Variants in ZNF654 observed in about 807,000 individuals in gnomAD.
ZNF654 encodes zinc finger protein 654.
ZNF654 carries 19 observed loss-of-function variants against 95.3 expected under a neutral mutation model. That is an observed-to-expected ratio of 0.20 (90% CI 0.14 to 0.29). The LOEUF is 0.29. Among genes scored for constraint, ZNF654 ranks in the 10% least tolerant of loss-of-function variants. The pLI, the probability that ZNF654 is intolerant of heterozygous loss-of-function variation, is 1.00. For synonymous variants in ZNF654, 413 were observed against 457.9 expected (o/e 0.90, Z 1.25); for missense variants, 1,046 against 1,341.0 (o/e 0.78, Z 3.44).
At chr3:88,131,892 C>A (rs537557109) in intron 6 of ZNF654, among the ~76,000 whole-genome samples, 114 of 152,150 alleles carry the variant, frequency 7.5e-4, no homozygotes, top group Middle Eastern at 3.4e-3. Context: ...CCTGGCCTAG[C>A]CTATGAGTCA....
intron 1 of ZNF654, among the ~76,000 whole-genome samples, chr3:88,060,214 A>G (rs1294261908): frequency 6.6e-6 from 1 of 152,100 alleles, no homozygotes; most frequent in Non-Finnish European, 1.5e-5. Flanking sequence ...TCCGGTTAAC[A>G]TCACCAACCC....
intron 3 of ZNF654, among the ~76,000 whole-genome samples, chr3:88,115,153 G>C (rs1360239077): frequency 6.6e-6 from 1 of 152,190 alleles, no homozygotes; most frequent in East Asian, 1.9e-4. Flanking sequence ...TTATGAATCA[G>C]TAGTTGTGGG....
chr3:88,104,691 C>G (rs942931192), intron 2 of ZNF654, among the ~76,000 whole-genome samples: 15 of 152,128 alleles, frequency 9.9e-5, no homozygotes, highest in African/African-American at 3.6e-4. Flanking sequence ...CCGCTAAAAA[C>G]AGGTGAATGT....
intron 1 of ZNF654, among the ~76,000 whole-genome samples, chr3:88,062,944 T>C (rs1033320046): frequency 2.0e-5 from 3 of 152,234 alleles, no homozygotes; most frequent in African/African-American, 7.2e-5. Context: ...AATTTGTGTT[T>C]CGCAGTAAAC....
intron 6 of ZNF654, among the ~76,000 whole-genome samples, chr3:88,134,522 C>T (rs938635973): frequency 1.3e-5 from 2 of 151,948 alleles, no homozygotes; most frequent in African/African-American, 4.8e-5. Flanking sequence ...AAGAATCTAC[C>T]TATGAAATAG....
chr3:88,117,651 A>G (rs1209307794), intron 3 of ZNF654, among the ~76,000 whole-genome samples: 1 of 152,228 alleles, frequency 6.6e-6, no homozygotes, highest in Non-Finnish European at 1.5e-5. Flanking sequence ...ATCATGAAGA[A>G]TCCATTAATG....
intron 1 of ZNF654, among the ~76,000 whole-genome samples, chr3:88,071,460 C>G (rs1056361479): frequency 1.1e-4 from 16 of 152,216 alleles, no homozygotes; most frequent in African/African-American, 3.6e-4. Flanking sequence ...CTGGCTAACA[C>G]GGTGAAACCC....
chr3:88,140,740 C>G lies in ZNF654; in HGVS notation c.3071C>G (p.Ser1024Cys), dbSNP rs1394960994. The part of the protein sequence containing the change: ...VPQEHNTLPV[S>C]QAPSKPNLTS... ...CAAGAACACAACACCTTGCCAGTATCTCAGGCACCTTCCAAACCAAATCTG... is the reference window on the plus strand; with the variant it reads ...CAAGAACACAACACCTTGCCAGTATGTCAGGCACCTTCCAAACCAAATCTG... The change falls in exon 8 of 9, where the codon TCT becomes TGT. Residue 1024 changes from serine (S) to cysteine (C), a missense_variant. Transcript: ENST00000636215. 1 of 1,613,726 alleles carries G rather than the reference C, an allele frequency of 6.2e-7. No individual in the cohort carries two copies. The highest frequency in any genetic ancestry group is 1.7e-5 in the Admixed American group (1 of 59,976).
chr3:88,097,362 GT>G (rs762086335), intron 2 of ZNF654, among the ~76,000 whole-genome samples: 181 of 143,728 alleles, frequency 1.3e-3, no homozygotes, highest in African/African-American at 2.4e-3. Flanking sequence ...TTTGTCAACA[GT>G]TTTTTTTTTT....
intron 2 of ZNF654, chr3:88,095,650 C>T (rs747253670): frequency 1.8e-5 from 9 of 490,288 alleles, no homozygotes; most frequent in African/African-American, 4.0e-5. Context: ...GCAATATCAT[C>T]ACTCTGTTCT....
chr3:88,080,634 A>AT (rs140266347), intron 1 of ZNF654, among the ~76,000 whole-genome samples: 7,697 of 152,140 alleles, frequency 0.051, 300 homozygotes, highest in Non-Finnish European at 0.077. Flanking sequence ...TCTGCTGCCA[A>AT]TTTACCTGCT....
At chr3:88,122,653 TTAA>T (rs1705838501) in intron 3 of ZNF654, among the ~76,000 whole-genome samples, 2 of 152,190 alleles carry the variant, frequency 1.3e-5, no homozygotes, top group Non-Finnish European at 2.9e-5. Context: ...GACTGATGAC[TTAA>T]TAAAGGATTA....
intron 2 of ZNF654, among the ~76,000 whole-genome samples, chr3:88,111,719 GC>G (rs1380945410): frequency 6.6e-6 from 1 of 151,906 alleles, no homozygotes; most frequent in Non-Finnish European, 1.5e-5. Context: ...AAGTAGAACT[GC>G]TAGGTCAAAT....
rs151062700 is a variant in ZNF654, at chr3:88,105,924, C to T, written c.333-7191C>T. ...CCTGCCCTCACAGGTGGGATTAATGCTGTTATAAAAGGGTGAATTTGGCCT... is the reference window on the plus strand; with the variant it reads ...CCTGCCCTCACAGGTGGGATTAATGTTGTTATAAAAGGGTGAATTTGGCCT... On this transcript the variant is annotated intron_variant, in intron 2 of 8. Coordinates refer to ENST00000636215, the MANE Select transcript of ZNF654 (RefSeq NM_001350134.2). 1.1e-4 allele frequency among the ~76,000 whole-genome samples: 16 copies of T among 152,288 alleles called. No individual in the cohort carries two copies. In the East Asian group the frequency reaches 1.9e-3, roughly 18 times the overall value.
intron 3 of ZNF654, among the ~76,000 whole-genome samples, chr3:88,116,449 G>C: frequency 6.6e-6 from 1 of 150,518 alleles, no homozygotes; most frequent in South Asian, 2.1e-4. Flanking sequence ...GAACCTGAGA[G>C]GCAGAGGTTG....
chr3:88,113,229 T>A, intron 3 of ZNF654, 33 bp downstream of exon 3: 1 of 1,383,632 alleles, frequency 7.2e-7, no homozygotes, highest in Non-Finnish European at 9.9e-7. Context: ...ACACTTTGTC[T>A]ACACTTAAAA....
rs556895235 is a variant in ZNF654, at chr3:88,137,135, C to T, written c.1036-1570C>T. On this transcript the variant is annotated intron_variant, in intron 7 of 8. Coordinates refer to ENST00000636215, the MANE Select transcript of ZNF654 (RefSeq NM_001350134.2). ...GCTTGAACCCGGGAGGCAGAGGTTG[C>T]AGTGAGCTGAGATCATGCCATTCTA... 5.6e-5 allele frequency among the ~76,000 whole-genome samples: 7 copies of T among 125,374 alleles called. No homozygotes were observed. In the South Asian group the frequency reaches 1.3e-3, roughly 23 times the overall value. 82.3% of individuals were successfully genotyped at this position (125,374 alleles called of 152,430 possible). A position where few individuals can be genotyped will look rare whatever the true frequency, so the allele number is the denominator to read the frequency against.
At chr3:88,090,846 G>A (rs941587750) in intron 2 of ZNF654, among the ~76,000 whole-genome samples, 3 of 152,120 alleles carry the variant, frequency 2.0e-5, no homozygotes, top group Non-Finnish European at 2.9e-5. Flanking sequence ...TAACACTGAC[G>A]ACATCTGATA....
intron 2 of ZNF654, among the ~76,000 whole-genome samples, chr3:88,101,909 C>T (rs901088151): frequency 2.6e-5 from 4 of 152,200 alleles, no homozygotes; most frequent in Admixed American, 1.3e-4. Context: ...TCAGTCCTGT[C>T]GTTGGTAAGC....
Sources: allele counts gnomAD v4.1 joint callset (sites outside exome capture counted in the v4.1 genomes callset), GRCh38; gene constraint gnomAD v4.1.1; transcripts MANE v1.5; gene names NCBI Gene and HGNC (gene_info 2026-07-23, HGNC 2026-07-21).